CREBBP: variants seen among roughly 807,000 people sequenced by gnomAD.
CREBBP encodes CREB-binding protein.
In CREBBP, 19 loss-of-function variants were observed where a neutral mutation model predicts 265.0. The ratio of observed to expected loss-of-function variants is 0.07; its 90% CI spans 0.05 to 0.11. The LOEUF (loss-of-function observed/expected upper bound fraction) is 0.11, where lower values mean the gene tolerates loss of function less well. Among genes scored for constraint, CREBBP ranks in the 10% least tolerant of loss-of-function variants. CREBBP has a pLI of 1.00. For synonymous variants in CREBBP, 1,457 were observed against 1,223.7 expected (o/e 1.19, Z -3.98); for missense variants, 2,525 against 3,219.0 (o/e 0.78, Z 5.22).
chr16:3,745,387 C>T (rs2052318235), intron 21 of CREBBP, 33 bp from the exon 22 acceptor site: 1 of 1,599,282 alleles, frequency 6.3e-7, no homozygotes, highest in South Asian at 1.1e-5. Context: ...TGTTAAAGCA[C>T]ACGGAACCAC....
chr16:3,745,091 A>G, intron 22 of CREBBP, 130 bp from the exon 23 acceptor site: 1 of 901,744 alleles, frequency 1.1e-6, no homozygotes, highest in Non-Finnish European at 1.8e-6. Context: ...GTGAAGAGGC[A>G]GACTGCTTTG....
chr16:3,842,964 T>A (rs1379378290), intron 2 of CREBBP, among the ~76,000 whole-genome samples: 1 of 40,740 alleles, frequency 2.5e-5, no homozygotes, highest in East Asian at 5.5e-4. Flanking sequence ...GAAACTCCCA[T>A]CTCAAAAAAA....
intron 28 of CREBBP, among the ~76,000 whole-genome samples, chr16:3,734,977 C>T (rs1263434438): frequency 2.0e-5 from 3 of 152,224 alleles, no homozygotes; most frequent in South Asian, 2.1e-4. Flanking sequence ...TGGTCACAAT[C>T]GCCTGTCCCA....
chr16:3,879,763 C>T, intron 1 of CREBBP, 69 bp downstream of exon 1: 1 of 1,492,310 alleles, frequency 6.7e-7, no homozygotes, highest in Non-Finnish European at 9.1e-7. Context: ...CCACGACCCC[C>T]GGACGCTCTC....
At chr16:3,813,772 C>T (rs559459214) in intron 2 of CREBBP, among the ~76,000 whole-genome samples, 3 of 152,272 alleles carry the variant, frequency 2.0e-5, no homozygotes, top group South Asian at 4.1e-4. Context: ...CCACTTGTCA[C>T]GGAGCTCACA....
At chr16:3,792,940 C>T (rs973360917) in intron 4 of CREBBP, among the ~76,000 whole-genome samples, 1 of 152,206 alleles carries the variant, frequency 6.6e-6, no homozygotes, top group Non-Finnish European at 1.5e-5. Context: ...TGCCTCAAGA[C>T]ACAGGACAGA....
intron 6 of CREBBP, among the ~76,000 whole-genome samples, chr16:3,781,691 A>G (rs1279019751): frequency 1.3e-5 from 2 of 152,166 alleles, no homozygotes; most frequent in Non-Finnish European, 2.9e-5. Context: ...TCCACCCCCA[A>G]TATCAGAAAA....
rs560551901 is a variant in CREBBP, at chr16:3,875,567, C to G, written c.85+4265G>C. Among the ~76,000 whole-genome samples the G allele has an allele frequency of 5.6e-4, 85 of 152,308 alleles. 1 individual carries two copies. The South Asian group carries it at 0.017, about 30-fold the overall frequency. On this transcript the variant is annotated intron_variant, in intron 1 of 30. Transcript: ENST00000262367. Reference sequence around the variant, plus strand: ...CACCACAGGTGGTTACAAACCTCCCCCTTAGTGATCTCATTCATGTGCGGG... The same window carrying G: ...CACCACAGGTGGTTACAAACCTCCCGCTTAGTGATCTCATTCATGTGCGGG...
At chr16:3,736,254 C>T in intron 27 of CREBBP, 51 bp from the exon 28 acceptor site, 8 of 1,579,638 alleles carry the variant, frequency 5.1e-6, no homozygotes, top group Non-Finnish European at 6.1e-6. Context: ...CGCGTGCCCC[C>T]CACCATGGTG....
At chr16:3,752,152 AG>A (rs768204549) in intron 19 of CREBBP, among the ~76,000 whole-genome samples, 4 of 152,324 alleles carry the variant, frequency 2.6e-5, no homozygotes, top group Non-Finnish European at 5.9e-5. Flanking sequence ...CGGCTCCAAG[AG>A]GCAAATGTTT....
At chr16:3,752,254 G>A (rs978957856) in intron 19 of CREBBP, among the ~76,000 whole-genome samples, 2 of 152,148 alleles carry the variant, frequency 1.3e-5, no homozygotes, top group African/African-American at 4.8e-5. Flanking sequence ...TATAACTCCA[G>A]GGTTTGAGAT....
At chr16:3,878,915 T>C (rs1287632324) in intron 1 of CREBBP, among the ~76,000 whole-genome samples, 1 of 152,198 alleles carries the variant, frequency 6.6e-6, no homozygotes, top group Non-Finnish European at 1.5e-5. Flanking sequence ...CTTAAGCAGC[T>C]ATGATAACTT....
intron 2 of CREBBP, among the ~76,000 whole-genome samples, chr16:3,827,775 C>T (rs117116047): frequency 7.2e-5 from 11 of 152,064 alleles, no homozygotes; most frequent in African/African-American, 2.4e-4. Flanking sequence ...ACTACAGCCC[C>T]GGCCTCCTGA....
chr16:3,753,631 TGAA>T (rs1175112692), intron 19 of CREBBP, among the ~76,000 whole-genome samples: 11 of 152,180 alleles, frequency 7.2e-5, no homozygotes, highest in South Asian at 2.1e-4. Context: ...AAATCCGGTA[TGAA>T]GAAGAACTTC....
intron 11 of CREBBP, among the ~76,000 whole-genome samples, chr16:3,776,353 A>C (rs1430613604): frequency 6.6e-6 from 1 of 152,162 alleles, no homozygotes; most frequent in Non-Finnish European, 1.5e-5. Context: ...CAAGAGCTAC[A>C]GGGTTTTCAA....
At chr16:3,737,455 CT>C (rs111941103) in intron 26 of CREBBP, among the ~76,000 whole-genome samples, 1,711 of 142,220 alleles carry the variant, frequency 0.012, 17 homozygotes, top group Non-Finnish European at 0.016. Flanking sequence ...TTTCTTTTTT[CT>C]TTTTTTTTTT....
At chr16:3,783,748 C>T (rs917942422) in intron 5 of CREBBP, among the ~76,000 whole-genome samples, 34 of 152,228 alleles carry the variant, frequency 2.2e-4, no homozygotes, top group Non-Finnish European at 4.7e-4. Flanking sequence ...TACTGAGGCC[C>T]ACTGCTGGCT....
Position 3,774,746 on chromosome 16 carries a change from A to G in CREBBP, c.2159-53T>C, listed in dbSNP as rs564564533. ...AGGAAAAGCACCCACAGGAAAACAG[A>G]ATTACAACTTGCTAAATAAACTCTT... On this transcript the variant is annotated intron_variant, in intron 11 of 30. Transcript: ENST00000262367. 1.9e-5 allele frequency: 30 copies of G among 1,611,876 alleles called. No individual in the cohort carries two copies. In the East Asian group the frequency reaches 6.5e-4, roughly 35 times the overall value.
At chr16:3,872,589 C>A (rs939574250) in intron 1 of CREBBP, among the ~76,000 whole-genome samples, 5 of 152,144 alleles carry the variant, frequency 3.3e-5, no homozygotes, top group African/African-American at 9.7e-5. Flanking sequence ...AGGAGTGTAT[C>A]CGGAGGGATG....
Sources: gnomAD v4.1 joint callset for allele counts (sites outside exome capture counted in the v4.1 genomes callset) on GRCh38, gnomAD v4.1.1 for gene constraint, MANE v1.5 for transcripts, NCBI Gene and HGNC (gene_info 2026-07-23, HGNC 2026-07-21) for gene names.